Variants in LAMA5 observed in about 807,000 individuals in gnomAD.
LAMA5 encodes the protein laminin subunit alpha 5.
LAMA5 carries 260 observed loss-of-function variants against 433.4 expected under a neutral mutation model. That is an observed-to-expected ratio of 0.60 (90% CI 0.54 to 0.66). The LOEUF (loss-of-function observed/expected upper bound fraction) is 0.66. LAMA5 is among the 30% of genes least tolerant of loss of function. LAMA5 has a pLI of 0.00. For missense variants in LAMA5, 5,378 were observed against 5,258.5 expected, an observed-to-expected ratio of 1.02 and a Z score of -0.70; for synonymous variants, 2,620 against 2,226.6, an observed-to-expected ratio of 1.18 and a Z score of -4.97.
chr20:62,345,881 A>AG lies in LAMA5; in HGVS notation c.1418-5dup. ...TCATTGGAGGACGAGGGCGTCGCTG[A>AG]GGGGAAGAGACACGCATGTTGGCCA... On this transcript the variant is annotated splice_polypyrimidine_tract_variant and splice_region_variant and intron_variant, in intron 10 of 79. Transcript: ENST00000252999. The AG allele has an allele frequency of 6.4e-7, 1 of 1,554,718 alleles. No individual in the cohort carries two copies. The highest frequency in any genetic ancestry group is 2.4e-5 in the East Asian group (1 of 41,292).
chr20:62,326,854 A>T lies in LAMA5; in HGVS notation c.5214+11T>A, dbSNP rs377713188. 6 of 1,607,964 alleles carry T rather than the reference A, an allele frequency of 3.7e-6. No individual in the cohort carries two copies. The highest frequency in any genetic ancestry group is 5.1e-6 in the Non-Finnish European group (6 of 1,175,804). The stretch of plus-strand genomic sequence containing the variant: ...CCCAACCACCCTGCCACATCATCTC[A>T]GCTCCCTCACCTGCAGCACCACATC... On this transcript the variant is annotated intron_variant, in intron 39 of 79. Coordinates refer to ENST00000252999, the MANE Select transcript of LAMA5 (RefSeq NM_005560.6).
At chr20:62,347,069 G>T in intron 6 of LAMA5, 41 bp from the exon 7 acceptor site, 1 of 1,484,770 alleles carries the variant, frequency 6.7e-7, no homozygotes, top group South Asian at 1.1e-5. Flanking sequence ...CCATCCTGGA[G>T]GCAGGTGGCA....
chr20:62,334,985 A>G, intron 20 of LAMA5, 36 bp downstream of exon 20: 1 of 1,585,792 alleles, frequency 6.3e-7, no homozygotes, highest in South Asian at 1.1e-5. Flanking sequence ...GAGGGGAGGC[A>G]GGGCTGTGGT....
intron 6 of LAMA5, 73 bp downstream of exon 6, chr20:62,351,631 A>AGGGGTGACAAGGACAGGCAGG (rs1984300707): frequency 7.0e-7 from 1 of 1,438,302 alleles, no homozygotes; most frequent in African/African-American, 1.4e-5. Context: ...CAGGTTAGGC[A>AGGGGTGACAAGGACAGGCAGG]GGGGTGACAA....
chr20:62,356,339 C>G (rs543678819), intron 2 of LAMA5: 1 of 152,644 alleles, frequency 6.6e-6, no homozygotes, highest in African/African-American at 2.4e-5. Context: ...TGACCCGGAG[C>G]GAGCGCAGAC....
chr20:62,330,479 G>A lies in LAMA5; in HGVS notation c.3979+9C>T. The A allele has an allele frequency of 6.5e-7, 1 of 1,538,944 alleles. No homozygotes were observed. The highest frequency in any genetic ancestry group is 8.8e-7 in the Non-Finnish European group (1 of 1,140,182). On this transcript the variant is annotated intron_variant, in intron 31 of 79. Coordinates refer to ENST00000252999, the MANE Select transcript of LAMA5 (RefSeq NM_005560.6). ...GGTAGCCTCTCCACCCCCCACACCA[G>A]ACACTCACCCTGCCACACGCGGCCG...
chr20:62,310,115 C>A lies in LAMA5; in HGVS notation c.10735-34G>T, dbSNP rs374476648. 21 of 1,610,532 alleles carry A rather than the reference C, an allele frequency of 1.3e-5. No individual in the cohort carries two copies. In the South Asian group the frequency reaches 2.1e-4, roughly 16 times the overall value. On this transcript the variant is annotated intron_variant, in intron 77 of 79. Transcript: ENST00000252999. ...GTAGGAAGGGAGGGTCAGGCTATGC[C>A]CCCGAGGTCACCAGAATGGGGAGGC... is the stretch of plus-strand genomic sequence containing the variant.
At chr20:62,335,310 G>T (rs1392460338) in intron 18 of LAMA5, 41 bp from the exon 19 acceptor site, 3 of 1,606,126 alleles carry the variant, frequency 1.9e-6, no homozygotes, top group Non-Finnish European at 2.6e-6. Flanking sequence ...TGGTGGGGCA[G>T]GAGAGCCTGG....
Position 62,338,593 on chromosome 20 carries a change from G to A in LAMA5, c.1493C>T (p.Ala498Val), listed in dbSNP as rs139957521. The change falls in exon 12 of 80, where the codon GCG becomes GTG. Residue 498 changes from alanine (A) to valine (V), a missense_variant. Physicochemically the swap from Ala to Val is moderately conservative, Grantham distance 64. Transcript: ENST00000252999. ...GCAGGCGTTGCCCTGGGTCCCTGCC[G>A]CGCTGCAGTCACAATCTGGAGGGTG... ...AGQIVNCDCS[A>V]AGTQGNACRK... is the part of the protein sequence containing the mutation. 97 of 1,610,024 alleles carry A rather than the reference G, an allele frequency of 6.0e-5. No individual in the cohort carries two copies. The East Asian group carries it at 8.7e-4, about 14-fold the overall frequency.
At chr20:62,328,593 C>T in intron 34 of LAMA5, 148 bp from the exon 35 acceptor site, 1 of 855,516 alleles carries the variant, frequency 1.2e-6, no homozygotes, top group Admixed American at 3.0e-5. Flanking sequence ...GAGCCTTGGA[C>T]AGCTCCTGAC....
At chr20:62,339,119 C>T (rs115234545) in intron 11 of LAMA5, among the ~76,000 whole-genome samples, 1,740 of 151,740 alleles carry the variant, frequency 0.011, 39 homozygotes, top group African/African-American at 0.039. Flanking sequence ...ACTATCAAAA[C>T]GCTTCATTAG....
Position 62,328,368 on chromosome 20 carries a change from A to T in LAMA5, c.4525T>A (p.Cys1509Ser). The T allele has an allele frequency of 6.3e-7, 1 of 1,582,734 alleles. No individual in the cohort carries two copies. Among genetic ancestry groups the T allele is most frequent in the Non-Finnish European group, 8.6e-7 (1 of 1,164,264 alleles). Residue 1509 changes from cysteine (C) to serine (S), a missense_variant, in exon 35 of 80, where the codon TGC (cysteine) becomes AGC (serine). Cys to Ser is a moderately radical substitution (Grantham distance 112, BLOSUM62 -1). Transcript: ENST00000252999. ...ICPPRTIPPD[C>S]LLCQPQTFGC... is the part of the protein sequence containing the mutation. ...AAGGTCTGGGGCTGGCACAGCAGGCAGTCGGGCGGGATGGTGCGTGGCGGG... is the reference window on the plus strand; with the variant it reads ...AAGGTCTGGGGCTGGCACAGCAGGCTGTCGGGCGGGATGGTGCGTGGCGGG...
At chr20:62,339,784 A>T (rs1015997004) in intron 11 of LAMA5, among the ~76,000 whole-genome samples, 8 of 152,198 alleles carry the variant, frequency 5.3e-5, no homozygotes, top group African/African-American at 1.9e-4. Flanking sequence ...TGTGAAAGTC[A>T]GGAAAGGAAA....
chr20:62,362,131 G>A (rs1350675934), intron 2 of LAMA5, among the ~76,000 whole-genome samples: 3 of 152,292 alleles, frequency 2.0e-5, no homozygotes, highest in Non-Finnish European at 2.9e-5. Context: ...CTCAGCACCC[G>A]CAACCAAACT....
chr20:62,333,817 G>A (rs1000646033), intron 23 of LAMA5, 84 bp downstream of exon 23: 4 of 1,449,900 alleles, frequency 2.8e-6, no homozygotes, highest in Non-Finnish European at 3.7e-6. Flanking sequence ...TGAGCCAGAG[G>A]AAGGTGGCGG....
At chr20:62,327,120 C>G in intron 38 of LAMA5, 113 bp downstream of exon 38, 1 of 1,188,036 alleles carries the variant, frequency 8.4e-7, no homozygotes, top group Non-Finnish European at 1.2e-6. Flanking sequence ...GGCACCCTCA[C>G]GGACCCCCAT....
rs778168434 is a variant in LAMA5, at chr20:62,337,638, G to A, written c.2116C>T (p.Arg706Trp). The change falls in exon 16 of 80, where the codon CGG (arginine) becomes TGG (tryptophan). Residue 706 changes from arginine to tryptophan, a missense_variant. By Grantham distance (101) the Arg-to-Trp change is moderately radical (BLOSUM62 -3). Transcript: ENST00000252999. ...GCACCGGGCACACATGTGTCACACCGCAGCCCCGTCACACGGGGCCGGCAG... is the reference window on the plus strand; with the variant it reads ...GCACCGGGCACACATGTGTCACACCACAGCCCCGTCACACGGGGCCGGCAG... ...CSCRPRVTGL[R>W]CDTCVPGAYN... is the part of the protein sequence containing the mutation. The A allele has an allele frequency of 7.8e-5, 126 of 1,611,904 alleles. No homozygotes were observed. Among genetic ancestry groups the A allele is most frequent in the South Asian group, 3.3e-5 (3 of 91,044 alleles).
At chr20:62,322,886 C>CT (rs1978542771) in intron 45 of LAMA5, 128 bp from the exon 46 acceptor site, 2 of 610,346 alleles carry the variant, frequency 3.3e-6, no homozygotes, top group Non-Finnish European at 5.4e-6. Context: ...GACCACCCGG[C>CT]TACCCACTCG....
chr20:62,364,494 C>T (rs1256620315), intron 1 of LAMA5, among the ~76,000 whole-genome samples: 2 of 152,206 alleles, frequency 1.3e-5, no homozygotes, highest in Admixed American at 1.3e-4. Flanking sequence ...CAGTTCCAGT[C>T]CCCATTCGGC....
Sources: gnomAD v4.1 joint callset for allele counts (sites outside exome capture counted in the v4.1 genomes callset) on GRCh38, gnomAD v4.1.1 for gene constraint, MANE v1.5 for transcripts, NCBI Gene and HGNC (gene_info 2026-07-23, HGNC 2026-07-21) for gene names.